The following SGIP1 variants were observed in gnomAD, a reference collection of about 807,000 sequenced individuals.
The protein encoded by SGIP1 is SH3GL interacting endocytic adaptor 1.
A neutral mutation model predicts 107.5 loss-of-function variants in SGIP1; 38 were observed. That is an observed-to-expected ratio of 0.35 (90% CI 0.27 to 0.46). The LOEUF (loss-of-function observed/expected upper bound fraction) is 0.46, where lower values mean the gene tolerates loss of function less well. SGIP1 is among the 20% of genes least tolerant of loss of function. SGIP1 has a pLI of 1.00. For synonymous variants in SGIP1, 365 were observed against 366.1 expected (o/e 1.00, Z 0.03); for missense variants, 929 against 1,019.5 (o/e 0.91, Z 1.21).
intron 1 of SGIP1, among the ~76,000 whole-genome samples, chr1:66,608,277 C>T (rs1481523194): frequency 6.6e-6 from 1 of 152,226 alleles, no homozygotes; most frequent in Non-Finnish European, 1.5e-5. Flanking sequence ...TGCTAGCTTA[C>T]AGCTAGCTCT....
chr1:66,540,729 C>T (rs945988263), intron 1 of SGIP1, among the ~76,000 whole-genome samples: 3 of 152,148 alleles, frequency 2.0e-5, no homozygotes, highest in Non-Finnish European at 4.4e-5. Flanking sequence ...TGATTTTATG[C>T]AGTTGGGCTT....
At chr1:66,590,801 G>C (rs1159217224) in intron 1 of SGIP1, among the ~76,000 whole-genome samples, 2 of 152,294 alleles carry the variant, frequency 1.3e-5, no homozygotes, top group African/African-American at 4.8e-5. Flanking sequence ...GGTGTCCTTA[G>C]TTGCCCAGGC....
chr1:66,705,861 G>A (rs2092456903), intron 18 of SGIP1, among the ~76,000 whole-genome samples: 1 of 151,988 alleles, frequency 6.6e-6, no homozygotes, highest in Non-Finnish European at 1.5e-5. Flanking sequence ...CACACACTGG[G>A]GCCTGTCGGG....
chr1:66,600,465 TAAC>T (rs1326192033), intron 1 of SGIP1, among the ~76,000 whole-genome samples: 1 of 152,128 alleles, frequency 6.6e-6, no homozygotes, highest in Non-Finnish European at 1.5e-5. Flanking sequence ...AAGGAAAGAA[TAAC>T]GAGTTCCACC....
chr1:66,699,772 T>C (rs72669499), intron 18 of SGIP1, among the ~76,000 whole-genome samples: 1,921 of 152,230 alleles, frequency 0.013, 21 homozygotes, highest in Non-Finnish European at 0.019. Context: ...TGTTCTACTG[T>C]GGAAAGTTAA....
At chr1:66,689,533 G>A (rs1055178463) in intron 16 of SGIP1, among the ~76,000 whole-genome samples, 6 of 152,184 alleles carry the variant, frequency 3.9e-5, no homozygotes, top group Non-Finnish European at 8.8e-5. Context: ...TACAAATGAC[G>A]ATAGTAACAT....
intron 1 of SGIP1, among the ~76,000 whole-genome samples, chr1:66,561,753 G>C (rs889295100): frequency 6.6e-6 from 1 of 152,014 alleles, no homozygotes; most frequent in African/African-American, 2.4e-5. Context: ...CGATGTCATA[G>C]TCTTCAACTG....
chr1:66,714,816 T>C lies in SGIP1; in HGVS notation c.1631-4478T>C, dbSNP rs540201304. ...GGTCTCCAGAGTCGCTGTCTGTTAA[T>C]ATTATTTCAGTTATTAGAAAAAAGT... On this transcript the variant is annotated intron_variant, in intron 18 of 24. Coordinates refer to ENST00000371037, the MANE Select transcript of SGIP1 (RefSeq NM_032291.4). Among the ~76,000 whole-genome samples, 8 of 152,210 alleles carry C rather than the reference T, an allele frequency of 5.3e-5. 1 individual carries two copies. The highest frequency in any genetic ancestry group is 1.9e-4 in the African/African-American group (8 of 41,546).
intron 19 of SGIP1, among the ~76,000 whole-genome samples, chr1:66,720,447 A>G (rs2093471327): frequency 6.6e-6 from 1 of 152,140 alleles, no homozygotes; most frequent in African/African-American, 2.4e-5. Context: ...AGAACTGGAG[A>G]CTAGGCATGG....
chr1:66,730,852 C>G (rs929775849), intron 20 of SGIP1, among the ~76,000 whole-genome samples: 1 of 152,080 alleles, frequency 6.6e-6, no homozygotes, highest in African/African-American at 2.4e-5. Flanking sequence ...CTTGTTTCCC[C>G]TGCCTCGAAT....
intron 1 of SGIP1, among the ~76,000 whole-genome samples, chr1:66,615,196 A>G (rs2068963883): frequency 6.6e-6 from 1 of 151,812 alleles, no homozygotes; most frequent in African/African-American, 2.4e-5. Flanking sequence ...GTGCAATGCT[A>G]TGAACTTGGC....
At chr1:66,589,184 A>T (rs2063166510) in intron 1 of SGIP1, among the ~76,000 whole-genome samples, 1 of 46,806 alleles carries the variant, frequency 2.1e-5, no homozygotes, top group Non-Finnish European at 3.7e-5. Context: ...ATATATATAT[A>T]TATATATATA....
intron 1 of SGIP1, among the ~76,000 whole-genome samples, chr1:66,621,450 A>C (rs2071080804): frequency 6.6e-6 from 1 of 152,182 alleles, no homozygotes; most frequent in African/African-American, 2.4e-5. Context: ...TAAAATACAC[A>C]CAAAATAAAA....
At chr1:66,546,825 T>C (rs184737696) in intron 1 of SGIP1, among the ~76,000 whole-genome samples, 1 of 152,330 alleles carries the variant, frequency 6.6e-6, no homozygotes, top group East Asian at 1.9e-4. Flanking sequence ...TTATTAGTTA[T>C]GAGGATAAGA....
chr1:66,689,026 TTAGTG>T (rs1307984185), intron 15 of SGIP1, 117 bp from the exon 16 acceptor site: 9 of 1,118,246 alleles, frequency 8.0e-6, no homozygotes, highest in Admixed American at 5.2e-5. Context: ...GCTACAGTGT[TTAGTG>T]TAGTAACTGC....
At chr1:66,578,767 G>A (rs2061422111) in intron 1 of SGIP1, among the ~76,000 whole-genome samples, 1 of 152,076 alleles carries the variant, frequency 6.6e-6, no homozygotes, top group Admixed American at 6.5e-5. Context: ...CGCCTCCCAG[G>A]TTCAAGGGAT....
chr1:66,536,365 G>T lies in SGIP1; in HGVS notation c.10+1997G>T, dbSNP rs1319219879. ...AAATTAACATTTATTTCTACCCATA[G>T]CTCCTACTTAAATGTTTTTAAGCCT... is the stretch of plus-strand genomic sequence containing the variant. On this transcript the variant is annotated intron_variant, in intron 1 of 24. Transcript: ENST00000371037. Among the ~76,000 whole-genome samples the T allele has an allele frequency of 3.3e-5, 5 of 152,172 alleles. No individual in the cohort carries two copies. The South Asian group carries it at 1.0e-3, about 32-fold the overall frequency.
At chr1:66,601,070 A>C (rs1354350190) in intron 1 of SGIP1, among the ~76,000 whole-genome samples, 2 of 152,168 alleles carry the variant, frequency 1.3e-5, no homozygotes, top group Admixed American at 1.3e-4. Flanking sequence ...GGTCCTACTC[A>C]AAAGAAGTAA....
chr1:66,707,405 A>G (rs184351446), intron 18 of SGIP1, among the ~76,000 whole-genome samples: 1 of 152,288 alleles, frequency 6.6e-6, no homozygotes, highest in East Asian at 1.9e-4. Flanking sequence ...TATACCACAT[A>G]TTTATAACCT....
Sources: allele counts gnomAD v4.1 joint callset (sites outside exome capture counted in the v4.1 genomes callset), GRCh38; gene constraint gnomAD v4.1.1; transcripts MANE v1.5; gene names NCBI Gene and HGNC (gene_info 2026-07-23, HGNC 2026-07-21).